Variants in PTPRD observed in about 807,000 individuals in gnomAD.
PTPRD encodes receptor-type tyrosine-protein phosphatase delta.
Under a neutral mutation model 214.5 loss-of-function variants are expected in PTPRD, and 34 were observed. That is an observed-to-expected ratio of 0.16 (90% CI 0.12 to 0.21). The LOEUF (loss-of-function observed/expected upper bound fraction) is 0.21. PTPRD is among the 10% of genes least tolerant of loss of function. PTPRD has a pLI of 1.00. For synonymous variants in PTPRD, 1,128 were observed against 845.7 expected (o/e 1.33, Z -5.79); for missense variants, 2,545 against 2,398.7 (o/e 1.06, Z -1.27).
chr9:8,329,226 C>G (rs779179308), intron 44 of PTPRD, among the ~76,000 whole-genome samples: 10 of 152,094 alleles, frequency 6.6e-5, no homozygotes, highest in Admixed American at 2.6e-4. Flanking sequence ...GGTGGACGTG[C>G]TATTCCTTTC....
intron 7 of PTPRD, among the ~76,000 whole-genome samples, chr9:9,654,334 G>C (rs900005552): frequency 6.6e-6 from 1 of 152,004 alleles, no homozygotes; most frequent in Non-Finnish European, 1.5e-5. Context: ...TAATGCTTAA[G>C]ATAAGTAATG....
chr9:9,936,182 T>C (rs896045007), intron 5 of PTPRD, among the ~76,000 whole-genome samples: 3 of 148,470 alleles, frequency 2.0e-5, no homozygotes, highest in South Asian at 2.1e-4. Context: ...GGACTTCATG[T>C]CTAAAACACC....
At chr9:10,458,335 G>C (rs976703295) in intron 2 of PTPRD, among the ~76,000 whole-genome samples, 19 of 152,068 alleles carry the variant, frequency 1.2e-4, no homozygotes, top group African/African-American at 4.3e-4. Flanking sequence ...CCCATCAAAA[G>C]AGTATATTTC....
intron 2 of PTPRD, among the ~76,000 whole-genome samples, chr9:10,504,803 A>G (rs1432136358): frequency 6.6e-6 from 1 of 152,168 alleles, no homozygotes; most frequent in Non-Finnish European, 1.5e-5. Flanking sequence ...TTTTCAATTC[A>G]TTTACCTGAC....
intron 3 of PTPRD, among the ~76,000 whole-genome samples, chr9:10,141,459 A>T (rs1166304109): frequency 7.1e-6 from 1 of 139,990 alleles, no homozygotes; most frequent in Non-Finnish European, 1.7e-5. Flanking sequence ...CAACAACAAG[A>T]GACAAACAGA....
chr9:9,424,477 G>T (rs1037489933), intron 8 of PTPRD, among the ~76,000 whole-genome samples: 2 of 152,090 alleles, frequency 1.3e-5, no homozygotes, highest in African/African-American at 2.4e-5. Flanking sequence ...GGTGAAGTGG[G>T]GTGGGATGAC....
At chr9:9,807,224 T>C (rs973064293) in intron 5 of PTPRD, among the ~76,000 whole-genome samples, 17 of 152,120 alleles carry the variant, frequency 1.1e-4, no homozygotes, top group African/African-American at 4.1e-4. Context: ...TACTAAAGAT[T>C]TTGAGCAAGC....
rs1368002459 is a variant in PTPRD, at chr9:10,060,942, TTCTTTCTTTC to T, written c.-544-27162_-544-27153del. 5.9e-5 allele frequency among the ~76,000 whole-genome samples: 8 copies of T among 135,070 alleles called. 1 individual carries two copies. Among genetic ancestry groups the T allele is most frequent in the African/African-American group, 2.1e-4 (7 of 32,586 alleles). The allele number at this position is 135,070 out of a possible 152,430, so 88.6% of individuals were successfully genotyped here. A position where few individuals can be genotyped will look rare whatever the true frequency, so the allele number is the denominator to read the frequency against. ...TTTCTTTCTTTCTTTCTTTCTTTCT[TTCTTTCTTTC>T]TCTCTCTTCCTTTCTTCCTTTCTGT... is the stretch of plus-strand genomic sequence containing the variant. On this transcript the variant is annotated intron_variant, in intron 3 of 45. Transcript: ENST00000381196.
intron 11 of PTPRD, among the ~76,000 whole-genome samples, chr9:8,841,358 A>C (rs372239902): frequency 2.0e-4 from 31 of 152,324 alleles, no homozygotes; most frequent in East Asian, 1.9e-3. Flanking sequence ...CACCAAGCAT[A>C]GGCACTTCTG....
intron 8 of PTPRD, among the ~76,000 whole-genome samples, chr9:9,509,111 C>T (rs951462019): frequency 6.6e-6 from 1 of 151,458 alleles, no homozygotes; most frequent in African/African-American, 2.4e-5. Context: ...TAAGTTTAAA[C>T]ATTAGCAAGC....
At chr9:9,756,088 T>A (rs1319796821) in intron 6 of PTPRD, among the ~76,000 whole-genome samples, 1 of 152,092 alleles carries the variant, frequency 6.6e-6, no homozygotes, top group Admixed American at 6.6e-5. Context: ...ATTTTTAGAT[T>A]GAGGATATCT....
Position 9,304,930 on chromosome 9 carries a change from G to A in PTPRD, c.-203+92519C>T, listed in dbSNP as rs559224170. Among the ~76,000 whole-genome samples, 4 of 146,838 alleles carry A rather than the reference G, an allele frequency of 2.7e-5. No individual in the cohort carries two copies. In the East Asian group the frequency reaches 8.0e-4, roughly 29 times the overall value. ...TTTTATTGCTTTGGAATCGGTGGTG[G>A]GTTAGTCACTTGGCTGCACAGGATG... On this transcript the variant is annotated intron_variant, in intron 9 of 45. Coordinates refer to ENST00000381196, the MANE Select transcript of PTPRD (RefSeq NM_002839.4).
chr9:8,776,504 C>A (rs1011678887), intron 11 of PTPRD, among the ~76,000 whole-genome samples: 2 of 129,766 alleles, frequency 1.5e-5, no homozygotes, highest in Non-Finnish European at 3.4e-5. Context: ...CGTCATGTTG[C>A]CCAGGCCGGT....
At chr9:10,567,383 C>CA (rs5896403) in intron 2 of PTPRD, among the ~76,000 whole-genome samples, 39,688 of 151,742 alleles carry the variant, frequency 0.26, 5,795 homozygotes, top group Non-Finnish European at 0.33. Flanking sequence ...AGCTTTTCTG[C>CA]AAAAAATAAT....
At chr9:9,848,347 T>C (rs1384259802) in intron 5 of PTPRD, among the ~76,000 whole-genome samples, 1 of 152,124 alleles carries the variant, frequency 6.6e-6, no homozygotes, top group Non-Finnish European at 1.5e-5. Context: ...GACCATATGC[T>C]TCCTGAGGGC....
intron 3 of PTPRD, among the ~76,000 whole-genome samples, chr9:10,099,273 T>A (rs1345511023): frequency 6.6e-6 from 1 of 151,694 alleles, no homozygotes; most frequent in Non-Finnish European, 1.5e-5. Flanking sequence ...TTCAGCAAAT[T>A]ACCTAACCTC....
At chr9:9,683,450 C>G (rs1317016376) in intron 7 of PTPRD, among the ~76,000 whole-genome samples, 1 of 151,594 alleles carries the variant, frequency 6.6e-6, no homozygotes, top group Admixed American at 6.6e-5. Flanking sequence ...ATATAATAAT[C>G]CAGGAAAAAT....
At chr9:10,108,621 T>C (rs2098659381) in intron 3 of PTPRD, among the ~76,000 whole-genome samples, 1 of 151,882 alleles carries the variant, frequency 6.6e-6, no homozygotes, top group Admixed American at 6.6e-5. Context: ...TGGGTATTTA[T>C]CCAAAAAAAT....
chr9:9,919,848 A>T (rs1249851487), intron 5 of PTPRD, among the ~76,000 whole-genome samples: 5 of 152,164 alleles, frequency 3.3e-5, no homozygotes, highest in Non-Finnish European at 7.4e-5. Context: ...TTCATGTCTT[A>T]CTAAGCTGCT....
Sources: gnomAD v4.1 joint callset for allele counts (sites outside exome capture counted in the v4.1 genomes callset) on GRCh38, gnomAD v4.1.1 for gene constraint, MANE v1.5 for transcripts, NCBI Gene and HGNC (gene_info 2026-07-23, HGNC 2026-07-21) for gene names.